Variants in CTIF observed in about 807,000 individuals in gnomAD.
The protein encoded by CTIF is CBP80/20-dependent translation initiation factor.
Under a neutral mutation model 66.0 loss-of-function variants are expected in CTIF, and 21 were observed. The observed-to-expected ratio is 0.32, with a 90% confidence interval of 0.23 to 0.46. The LOEUF (loss-of-function observed/expected upper bound fraction) is 0.46, where lower values mean the gene tolerates loss of function less well. Ranked by LOEUF, CTIF falls within the 20% of genes least tolerant of loss-of-function variation. The pLI, the probability that CTIF is intolerant of heterozygous loss-of-function variation, is 1.00. For missense variants in CTIF, 739 were observed against 812.7 expected (o/e 0.91, Z 1.10); for synonymous variants, 345 against 326.4 (o/e 1.06, Z -0.62).
intron 1 of CTIF, among the ~76,000 whole-genome samples, chr18:48,603,477 G>T (rs2090139708): frequency 9.6e-6 from 1 of 104,042 alleles, no homozygotes. Context: ...ATGGCTAGAT[G>T]GGTGGGTGGG....
chr18:48,799,221 C>T (rs1333631284), intron 9 of CTIF, among the ~76,000 whole-genome samples: 3 of 152,214 alleles, frequency 2.0e-5, no homozygotes, highest in Non-Finnish European at 2.9e-5. Flanking sequence ...GTAGAATACT[C>T]TCAGTTCACA....
At chr18:48,563,049 G>C (rs2089198003) in intron 1 of CTIF, among the ~76,000 whole-genome samples, 1 of 152,224 alleles carries the variant, frequency 6.6e-6, no homozygotes, top group Non-Finnish European at 1.5e-5. Context: ...TAGCCTGGGG[G>C]GCATTTAGGA....
At chr18:48,643,114 C>T (rs2090964284) in intron 3 of CTIF, among the ~76,000 whole-genome samples, 1 of 152,214 alleles carries the variant, frequency 6.6e-6, no homozygotes, top group Non-Finnish European at 1.5e-5. Context: ...TTTCCCTCTT[C>T]TTCTTCACCA....
intron 6 of CTIF, among the ~76,000 whole-genome samples, chr18:48,692,318 C>T (rs8083971): frequency 7.7e-6 from 1 of 129,586 alleles, no homozygotes; most frequent in Admixed American, 7.2e-5. Flanking sequence ...AAAACAAAAA[C>T]AAAACAAAAA....
At chr18:48,774,976 AATG>A (rs1384646080) in intron 9 of CTIF, among the ~76,000 whole-genome samples, 2 of 152,102 alleles carry the variant, frequency 1.3e-5, no homozygotes, top group Middle Eastern at 3.4e-3. Context: ...TAAAAAAAAA[AATG>A]TGGCAAGGGG....
intron 9 of CTIF, among the ~76,000 whole-genome samples, chr18:48,785,147 T>TTCTTTACTTCCTTCCTTCCTCTC (rs1568216780): frequency 1.3e-5 from 2 of 152,198 alleles, no homozygotes; most frequent in Non-Finnish European, 2.9e-5. Flanking sequence ...CCTTCCTTCT[T>TTCTTTACTTCCTTCCTTCCTCTC]TCTTTCCTTC....
chr18:48,589,550 A>G (rs956574105), intron 1 of CTIF, among the ~76,000 whole-genome samples: 3 of 152,206 alleles, frequency 2.0e-5, no homozygotes, highest in Non-Finnish European at 1.5e-5. Flanking sequence ...GGGGTCCAAC[A>G]TGCCTTTTAG....
chr18:48,600,139 CAG>C (rs921764921), intron 1 of CTIF, among the ~76,000 whole-genome samples: 3 of 152,152 alleles, frequency 2.0e-5, no homozygotes, highest in Non-Finnish European at 2.9e-5. Flanking sequence ...TGAGTGTGTG[CAG>C]AGTCTGCCCC....
chr18:48,681,588 A>G (rs188749016), intron 6 of CTIF, among the ~76,000 whole-genome samples: 225 of 152,286 alleles, frequency 1.5e-3, no homozygotes, highest in Middle Eastern at 0.014. Flanking sequence ...CTCAGGGCCT[A>G]TGGAAAACCC....
chr18:48,757,332 C>G (rs1908480628), intron 7 of CTIF, among the ~76,000 whole-genome samples: 1 of 151,558 alleles, frequency 6.6e-6, no homozygotes, highest in African/African-American at 2.4e-5. Flanking sequence ...CAATTTAGCC[C>G]ATGAAAACTT....
At chr18:48,648,749 T>C in intron 3 of CTIF, among the ~76,000 whole-genome samples, 1 of 152,264 alleles carries the variant, frequency 6.6e-6, no homozygotes, top group East Asian at 1.9e-4. Context: ...CCTCATAGTG[T>C]CTCTCATATA....
intron 7 of CTIF, among the ~76,000 whole-genome samples, chr18:48,733,133 G>A (rs983703234): frequency 3.3e-5 from 5 of 152,100 alleles, no homozygotes; most frequent in Admixed American, 6.5e-5. Flanking sequence ...CTTCCAAAGC[G>A]TAGCTGCCCT....
chr18:48,759,123 G>A (rs1031522127), intron 8 of CTIF, among the ~76,000 whole-genome samples: 2 of 152,302 alleles, frequency 1.3e-5, no homozygotes, highest in Non-Finnish European at 2.9e-5. Context: ...CCAGAAGAGG[G>A]ATGGGGATTT....
chr18:48,678,263 A>G (rs2091670477), intron 6 of CTIF, among the ~76,000 whole-genome samples: 1 of 152,258 alleles, frequency 6.6e-6, no homozygotes, highest in Non-Finnish European at 1.5e-5. Context: ...AAAAGCCTCT[A>G]CAGACAGCTT....
chr18:48,803,604 A>G (rs2068088104), intron 9 of CTIF, among the ~76,000 whole-genome samples: 1 of 152,130 alleles, frequency 6.6e-6, no homozygotes, highest in African/African-American at 2.4e-5. Flanking sequence ...TGGTCCAGGG[A>G]TCTGTCACTG....
intron 9 of CTIF, among the ~76,000 whole-genome samples, chr18:48,771,670 A>G (rs1910131991): frequency 6.6e-6 from 1 of 152,104 alleles, no homozygotes; most frequent in Non-Finnish European, 1.5e-5. Context: ...GTTACCGGAG[A>G]AGGCCAGCTC....
chr18:48,561,253 AAAG>A (rs1447268283), intron 1 of CTIF, among the ~76,000 whole-genome samples: 8 of 151,810 alleles, frequency 5.3e-5, no homozygotes, highest in Non-Finnish European at 1.0e-4. Flanking sequence ...AAAAAAAAAA[AAAG>A]GAGTGTTTAT....
At chr18:48,662,523 C>T (rs1183679053) in intron 3 of CTIF, 6 of 151,862 alleles carry the variant, frequency 4.0e-5, no homozygotes, top group Non-Finnish European at 5.9e-5. Flanking sequence ...CTCCACCTCT[C>T]CTCCAGGCTC....
chr18:48,670,844 T>C, intron 6 of CTIF, 100 bp downstream of exon 6: 2 of 1,043,712 alleles, frequency 1.9e-6, no homozygotes, highest in Middle Eastern at 5.8e-4. Context: ...TCTGGCTGCT[T>C]GTTCCAGCAA....
Sources: allele counts gnomAD v4.1 joint callset (sites outside exome capture counted in the v4.1 genomes callset), GRCh38; gene constraint gnomAD v4.1.1; transcripts MANE v1.5; gene names NCBI Gene and HGNC (gene_info 2026-07-23, HGNC 2026-07-21).